The following VWA8 variants were observed in gnomAD, a reference collection of about 807,000 sequenced individuals.
The protein encoded by VWA8 is von Willebrand factor A domain-containing protein 8.
Under a neutral mutation model 241.5 loss-of-function variants are expected in VWA8, and 221 were observed. The observed-to-expected ratio is 0.91, with a 90% CI of 0.82 to 1.02. The LOEUF (loss-of-function observed/expected upper bound fraction) is 1.02. Ranked by LOEUF, VWA8 falls within the 50% of genes least tolerant of loss-of-function variation. The probability of loss-of-function intolerance (pLI) is 0.00; values close to 1 mark genes in which losing one functional copy is unlikely to be tolerated. For missense variants in VWA8, 2,322 were observed against 2,328.7 expected (o/e 1.00, Z 0.06); for synonymous variants, 852 against 827.1 (o/e 1.03, Z -0.52).
rs147276938 is a variant in VWA8 at position 41,925,221 on chromosome 13, G to C, written c.242-13053C>G. On this transcript the variant is annotated intron_variant, in intron 2 of 44. Transcript: ENST00000379310. The stretch of plus-strand genomic sequence containing the variant: ...TTTCCCAGATAAGCAAAGACTGAGA[G>C]AATTCATCACCACTGGACCTGCCTT... 6.3e-3 allele frequency among the ~76,000 whole-genome samples: 956 copies of C among 152,268 alleles called. 6 individuals carry two copies. The highest frequency in any genetic ancestry group is 0.022 in the African/African-American group (908 of 41,552).
chr13:41,880,776 A>G (rs1190601185), intron 9 of VWA8, among the ~76,000 whole-genome samples: 1 of 152,190 alleles, frequency 6.6e-6, no homozygotes, highest in African/African-American at 2.4e-5. Flanking sequence ...GGAGGCATAC[A>G]ATGTCAATTT....
In VWA8 at chr13:41,605,068, G is replaced by A. The variant is rs148738571; in HGVS notation, c.4986+100C>T. 1,051 of 1,116,998 alleles carry A rather than the reference G, an allele frequency of 9.4e-4. 12 individuals are homozygous for A. In the African/African-American group the frequency reaches 0.013, roughly 14 times the overall value. The allele number at this position is 1,116,998 out of a possible 1,614,324, so 69.2% of individuals were successfully genotyped here. The stretch of plus-strand genomic sequence containing the variant: ...CATTTTCACACTGAGACATTTTTTC[G>A]GACTGGCTAATTAGGGTTCAGATAA... On this transcript the variant is annotated intron_variant, in intron 40 of 44. Transcript: ENST00000379310.
At chr13:41,836,257 G>C (rs1871723845) in intron 12 of VWA8, among the ~76,000 whole-genome samples, 1 of 152,198 alleles carries the variant, frequency 6.6e-6, no homozygotes, top group African/African-American at 2.4e-5. Flanking sequence ...AGTAGGCTTT[G>C]TCTATTTTAA....
chr13:41,658,554 T>C (rs1268569694), intron 37 of VWA8, among the ~76,000 whole-genome samples: 2 of 152,218 alleles, frequency 1.3e-5, no homozygotes, highest in African/African-American at 2.4e-5. Context: ...TCTCCAACTT[T>C]CCTGGTTCCT....
intron 3 of VWA8, among the ~76,000 whole-genome samples, chr13:41,911,519 C>T (rs1324734894): frequency 6.6e-6 from 1 of 152,176 alleles, no homozygotes; most frequent in African/African-American, 2.4e-5. Context: ...CTGGATAAAG[C>T]TTGAGTGAGT....
chr13:41,772,589 G>A (rs2045832921), intron 20 of VWA8, among the ~76,000 whole-genome samples: 1 of 152,142 alleles, frequency 6.6e-6, no homozygotes. Context: ...TACCCTAAGT[G>A]ACCCTCAAAC....
intron 21 of VWA8, among the ~76,000 whole-genome samples, chr13:41,752,550 C>T (rs1340380311): frequency 6.6e-6 from 1 of 152,112 alleles, no homozygotes; most frequent in Non-Finnish European, 1.5e-5. Flanking sequence ...AATTAACATA[C>T]AGTGAATAAA....
chr13:41,882,397 G>A (rs577056051), intron 9 of VWA8, among the ~76,000 whole-genome samples: 11 of 152,106 alleles, frequency 7.2e-5, no homozygotes, highest in African/African-American at 2.2e-4. Flanking sequence ...CTTCCCAGAC[G>A]GGGTGGCGGC....
intron 4 of VWA8, among the ~76,000 whole-genome samples, chr13:41,906,962 A>T (rs1875749294): frequency 6.6e-6 from 1 of 152,158 alleles, no homozygotes; most frequent in Non-Finnish European, 1.5e-5. Flanking sequence ...GCATCTTTTC[A>T]TGAAATTATT....
At chr13:41,575,706 C>T in intron 43 of VWA8, 34 bp downstream of exon 43, 1 of 1,504,198 alleles carries the variant, frequency 6.6e-7, no homozygotes, top group Non-Finnish European at 9.2e-7. Context: ...CTGATAGAAG[C>T]TTTCATAATA....
At chr13:41,715,982 T>C (rs1164181665) in intron 26 of VWA8, among the ~76,000 whole-genome samples, 2 of 152,034 alleles carry the variant, frequency 1.3e-5, no homozygotes, top group Non-Finnish European at 2.9e-5. Flanking sequence ...AGCATAGTAT[T>C]CATATTTTTA....
intron 9 of VWA8, among the ~76,000 whole-genome samples, chr13:41,870,406 A>G (rs569736616): frequency 1.2e-4 from 19 of 152,340 alleles, no homozygotes; most frequent in African/African-American, 4.1e-4. Flanking sequence ...TGGGAGGCAG[A>G]GATGGGTGGA....
At chr13:41,909,842 C>T (rs1300720854) in intron 3 of VWA8, among the ~76,000 whole-genome samples, 1 of 152,152 alleles carries the variant, frequency 6.6e-6, no homozygotes, top group East Asian at 1.9e-4. Context: ...GAACAAACTA[C>T]AAAAGTCCTT....
In VWA8 at chr13:41,587,517, A is replaced by ACTTCTC; in HGVS notation, c.5260_5265dup (p.Glu1754_Lys1755dup). 2.5e-6 allele frequency: 4 copies of ACTTCTC among 1,614,008 alleles called. No individual in the cohort carries two copies. The highest frequency in any genetic ancestry group is 3.4e-6 in the Non-Finnish European group (4 of 1,179,980). ...TTCTTAGTTCATGTCATTACCTGGA[A>ACTTCTC]CTTCTCCTCATAGTTCTCGAAGGCT... On this transcript the variant is annotated inframe_insertion, in exon 42 of 45. Transcript: ENST00000379310.
chr13:41,719,634 T>A lies in VWA8; in HGVS notation c.3073A>T (p.Ile1025Leu). The A allele has an allele frequency of 1.2e-6, 2 of 1,613,218 alleles. No homozygotes were observed. Among genetic ancestry groups the A allele is most frequent in the Non-Finnish European group, 1.7e-6 (2 of 1,179,396 alleles). Residue 1025 changes from isoleucine to leucine, a missense_variant, in exon 26 of 45, where the codon ATA (isoleucine) becomes TTA (leucine). Ile to Leu is a conservative substitution (Grantham distance 5). Transcript: ENST00000379310. Reference protein sequence around the residue: ...ILINTLHKYGIPIGAKPTSVQ... With the variant: ...ILINTLHKYGLPIGAKPTSVQ... ...CTGGTAGGCTTTGCTCCGATAGGTATCCCGTATTTGTGTAAAGTGTTAATC... is the reference window on the plus strand; with the variant it reads ...CTGGTAGGCTTTGCTCCGATAGGTAACCCGTATTTGTGTAAAGTGTTAATC...
intron 21 of VWA8, among the ~76,000 whole-genome samples, chr13:41,747,470 G>A (rs1430536353): frequency 6.6e-6 from 1 of 152,182 alleles, no homozygotes; most frequent in Non-Finnish European, 1.5e-5. Context: ...CTTTGCTGAA[G>A]TTGTCCATCA....
intron 21 of VWA8, among the ~76,000 whole-genome samples, chr13:41,744,797 A>G (rs943089490): frequency 6.6e-6 from 1 of 152,048 alleles, no homozygotes; most frequent in Non-Finnish European, 1.5e-5. Flanking sequence ...TGATTGAAAC[A>G]GTTCTAATAC....
chr13:41,860,941 T>C (rs1344313602), intron 12 of VWA8, among the ~76,000 whole-genome samples: 1 of 152,028 alleles, frequency 6.6e-6, no homozygotes, highest in Non-Finnish European at 1.5e-5. Context: ...TTCATTAGAA[T>C]GAGAGTTTTT....
intron 37 of VWA8, 99 bp downstream of exon 37, chr13:41,670,847 T>C: frequency 2.9e-6 from 4 of 1,371,188 alleles, no homozygotes; most frequent in Non-Finnish European, 4.0e-6. Context: ...GCAACTATTT[T>C]TGAGTCACTG....
Sources: allele counts gnomAD v4.1 joint callset (sites outside exome capture counted in the v4.1 genomes callset), GRCh38; gene constraint gnomAD v4.1.1; transcripts MANE v1.5; gene names NCBI Gene and HGNC (gene_info 2026-07-23, HGNC 2026-07-21).